Variants in ESYT1 observed in about 807,000 individuals in gnomAD.
ESYT1 encodes extended synaptotagmin-1.
ESYT1 carries 116 observed loss-of-function variants against 154.2 expected under a neutral mutation model. That is an observed-to-expected ratio of 0.75 (90% confidence interval 0.65 to 0.88). The LOEUF (loss-of-function observed/expected upper bound fraction) is 0.88, where lower values mean the gene tolerates loss of function less well. Ranked by LOEUF, ESYT1 falls within the 40% of genes least tolerant of loss-of-function variation. ESYT1 has a pLI of 0.00. For synonymous variants in ESYT1, 500 were observed against 539.9 expected, an observed-to-expected ratio of 0.93 and a Z score of 1.02; for missense variants, 1,264 against 1,379.3, an observed-to-expected ratio of 0.92 and a Z score of 1.32.
chr12:56,132,806 G>T lies in ESYT1; in HGVS notation c.1244+5G>T. 6.2e-7 allele frequency: 1 copy of T among 1,612,898 alleles called. No homozygotes were observed. The highest frequency in any genetic ancestry group is 8.5e-7 in the Non-Finnish European group (1 of 1,179,108). Reference sequence around the variant, plus strand: ...TAAAGATGACTTTCTGGGCAGGTGAGACTCTGCCTGTTAGGATTCTAAAGC... The same window carrying T: ...TAAAGATGACTTTCTGGGCAGGTGATACTCTGCCTGTTAGGATTCTAAAGC... On this transcript the variant is annotated splice_donor_5th_base_variant and intron_variant, in intron 10 of 30. Coordinates refer to ENST00000394048, the MANE Select transcript of ESYT1 (RefSeq NM_015292.3).
chr12:56,138,405 T>C lies in ESYT1; in HGVS notation c.2339T>C (p.Val780Ala). The change falls in exon 22 of 31, where the codon GTG (valine) becomes GCG (alanine). Residue 780 changes from valine to alanine, a missense_variant and splice_region_variant. Transcript: ENST00000394048. The stretch of plus-strand genomic sequence containing the variant: ...CCAGCCCCGTGTGCCCCTCCACAGG[T>C]GCTGCAGGTGAATAGTTTGATCCAG... ...PRPTAAELEE[V>A]LQVNSLIQTQ... is the part of the protein sequence containing the mutation. 1 of 1,613,484 alleles carries C rather than the reference T, an allele frequency of 6.2e-7. No homozygotes were observed. The highest frequency in any genetic ancestry group is 8.5e-7 in the Non-Finnish European group (1 of 1,179,746).
chr12:56,139,934 C>T (rs1462797011), intron 24 of ESYT1, among the ~76,000 whole-genome samples: 2 of 151,488 alleles, frequency 1.3e-5, no homozygotes, highest in African/African-American at 4.9e-5. Flanking sequence ...GGCTGGAGTG[C>T]CGTGGTGCAA....
Position 56,142,583 on chromosome 12 carries a change from G to A in ESYT1, c.2739G>A (p.Leu913=). ...CACAGCTTTCTTGCCCCTAGATCCTGGTGTCCCAGCACTCGGGAGTGGAAG... is the reference window on the plus strand; with the variant it reads ...CACAGCTTTCTTGCCCCTAGATCCTAGTGTCCCAGCACTCGGGAGTGGAAG... ...QVLLRAQLGI[L]VSQHSGVEAH... The change falls in exon 26 of 31, where the codon CTG becomes CTA. Residue 913 remains leucine, a synonymous_variant. Transcript: ENST00000394048. This position sits in a 1 kb window ranked among gnomAD's most constrained non-coding sequence, Gnocchi z 4.1. 6.2e-7 allele frequency: 1 copy of A among 1,614,116 alleles called. No individual in the cohort carries two copies. Among genetic ancestry groups the A allele is most frequent in the Non-Finnish European group, 8.5e-7 (1 of 1,180,028 alleles).
rs761226398 is a variant in ESYT1 at position 56,128,681 on chromosome 12, A to C, written c.362A>C (p.Tyr121Ser). 6.1e-5 allele frequency: 99 copies of C among 1,613,836 alleles called. No homozygotes were observed. Among genetic ancestry groups the C allele is most frequent in the Admixed American group, 8.3e-5 (5 of 60,006 alleles). The change falls in exon 1 of 31, where the codon TAT (tyrosine) becomes TCT (serine). Residue 121 changes from tyrosine (Y) to serine (S), a missense_variant. By Grantham distance (144) the Tyr-to-Ser change is moderately radical. Transcript: ENST00000394048. ...GAGCAGCTCACTGCGAAAACTCTCT[A>C]TATGAGTCATCGAGAGCTACCTGCC... ...DEEQLTAKTLYMSHRELPAWV... is the reference protein window; with the variant it reads ...DEEQLTAKTLSMSHRELPAWV...
intron 6 of ESYT1, 76 bp from the exon 7 acceptor site, chr12:56,131,671 CGA>C: frequency 6.9e-6 from 11 of 1,604,000 alleles, no homozygotes; most frequent in Non-Finnish European, 9.4e-6. Context: ...ACAAGAAGGC[CGA>C]GGGGTTCTGG....
Position 56,138,809 on chromosome 12 carries a change from C to T in ESYT1, c.2475C>T (p.Leu825=). Residue 825 remains leucine, a synonymous_variant, in exon 23 of 31, where the codon CTC becomes CTT. Transcript: ENST00000394048. ...AGCACCTCAGCCCTTATGCTACTCTCACTGTGGGAGATAGTTCTCATAAAA... is the reference window on the plus strand; with the variant it reads ...AGCACCTCAGCCCTTATGCTACTCTTACTGTGGGAGATAGTTCTCATAAAA... ...GTKHLSPYAT[L]TVGDSSHKTK... 1 of 1,614,174 alleles carries T rather than the reference C, an allele frequency of 6.2e-7. No individual in the cohort carries two copies. The highest frequency in any genetic ancestry group is 8.5e-7 in the Non-Finnish European group (1 of 1,180,014).
rs774993697 is a variant in ESYT1 at position 56,132,494 on chromosome 12, A to G, written c.1058A>G (p.Glu353Gly). The G allele has an allele frequency of 2.5e-6, 4 of 1,614,062 alleles. No homozygotes were observed. The African/African-American group carries it at 5.3e-5, about 22-fold the overall frequency. ...SKDKYVKGLI[E>G]GKSDPYALVR... is the part of the protein sequence containing the mutation. ...GACAAATATGTGAAGGGCCTGATTG[A>G]GGGCAAGTCAGACCCATATGCACTT... Residue 353 changes from glutamate (E) to glycine (G), a missense_variant, in exon 9 of 31, where the codon GAG (glutamate) becomes GGG (glycine). Coordinates refer to ENST00000394048, the MANE Select transcript of ESYT1 (RefSeq NM_015292.3).
chr12:56,140,927 T>C (rs1308560297), intron 24 of ESYT1, among the ~76,000 whole-genome samples: 1 of 152,104 alleles, frequency 6.6e-6, no homozygotes, highest in Non-Finnish European at 1.5e-5. Flanking sequence ...TGGATAAGGG[T>C]GCCGTTGCTG....
Position 56,138,243 on chromosome 12 carries a change from C to T in ESYT1, c.2308C>T (p.Pro770Ser). 6.2e-7 allele frequency: 1 copy of T among 1,614,236 alleles called. No individual in the cohort carries two copies. Among genetic ancestry groups the T allele is most frequent in the East Asian group, 2.2e-5 (1 of 44,890 alleles). ...RLHLRLERLT[P>S]RPTAAELEEV... ...GCACTTGCGCCTGGAGCGTCTCACC[C>T]CCCGTCCCACTGCTGCTGAGTTAGA... Residue 770 changes from proline to serine, a missense_variant, in exon 21 of 31, where the codon CCC becomes TCC. Physicochemically the swap from Pro to Ser is moderately conservative, Grantham distance 74. Transcript: ENST00000394048.
chr12:56,129,018 G>C (rs1332655573), intron 1 of ESYT1, among the ~76,000 whole-genome samples: 8 of 152,110 alleles, frequency 5.3e-5, no homozygotes, highest in Non-Finnish European at 1.2e-4. Context: ...CTCCCTCCTA[G>C]CCAAGCCATC....
In ESYT1 at chr12:56,131,491, G is replaced by A. The variant is rs1870232831; in HGVS notation, c.729G>A (p.Leu243=). The change falls in exon 6 of 31, where the codon TTG becomes TTA. Residue 243 remains leucine, a synonymous_variant. Coordinates refer to ENST00000394048, the MANE Select transcript of ESYT1 (RefSeq NM_015292.3). The part of the protein sequence containing the change: ...GVKGMQLHGV[L]RVILEPLIGD... ...TCTTGCCTCAGCTACATGGCGTTTT[G>A]CGGGTGATACTGGAGCCACTCATTG... 1 of 1,614,070 alleles carries A rather than the reference G, an allele frequency of 6.2e-7. No individual in the cohort carries two copies. Among genetic ancestry groups the A allele is most frequent in the African/African-American group, 1.3e-5 (1 of 74,922 alleles).
chr12:56,138,545 C>T (rs1005771819), intron 22 of ESYT1, 46 bp downstream of exon 22: 20 of 1,524,388 alleles, frequency 1.3e-5, no homozygotes, highest in Non-Finnish European at 1.8e-5. Context: ...GCCCTTCTTC[C>T]ACCTTCCTCC....
rs1318690015 is a variant in ESYT1 at position 56,128,282 on chromosome 12, A to T, written c.-38A>T. 6.4e-7 allele frequency: 1 copy of T among 1,573,774 alleles called. No homozygotes were observed. On this transcript the variant is annotated 5_prime_UTR_variant, in exon 1 of 31. Coordinates refer to ENST00000394048, the MANE Select transcript of ESYT1 (RefSeq NM_015292.3). ...TCGCAAGACTAGGCAACCTCCAGCC[A>T]GTCCCTGGGTCGGGCGGATCCTCCC...
At chr12:56,140,406 C>T (rs1464125922) in intron 24 of ESYT1, among the ~76,000 whole-genome samples, 2 of 152,092 alleles carry the variant, frequency 1.3e-5, no homozygotes, top group Non-Finnish European at 2.9e-5. Flanking sequence ...TGCTCTGTTG[C>T]CCAGGCTGGA....
chr12:56,142,723 A>T lies in ESYT1; in HGVS notation c.2879A>T (p.His960Leu). The T allele has an allele frequency of 6.2e-7, 1 of 1,613,878 alleles. No individual in the cohort carries two copies. The highest frequency in any genetic ancestry group is 8.5e-7 in the Non-Finnish European group (1 of 1,180,028). ...CCAGAGCTCCGGCAGCGCCTAACAC[A>T]TGTTGACAGGTAAAGGGCTGGGACA... ...SAPELRQRLT[H>L]VDSPLEAPAG... Residue 960 changes from histidine to leucine, a missense_variant, in exon 26 of 31, where the codon CAT becomes CTT. Coordinates refer to ENST00000394048, the MANE Select transcript of ESYT1 (RefSeq NM_015292.3). The surrounding 1 kb of genome is among the most constrained non-coding windows in gnomAD (Gnocchi z 4.1).
In ESYT1 at chr12:56,128,650, G is replaced by C; in HGVS notation, c.331G>C (p.Asp111His). Residue 111 changes from aspartate to histidine, a missense_variant, in exon 1 of 31, where the codon GAC becomes CAC. Asp to His is a moderately conservative substitution (Grantham distance 81). Coordinates refer to ENST00000394048, the MANE Select transcript of ESYT1 (RefSeq NM_015292.3). ...TCGAGCAGCGAGGCAGCTACTGGAC[G>C]ACGAGGAGCAGCTCACTGCGAAAAC... ...SLRAARQLLD[D>H]EEQLTAKTLY... is the part of the protein sequence containing the mutation. 6.2e-7 allele frequency: 1 copy of C among 1,614,198 alleles called. No individual in the cohort carries two copies. The highest frequency in any genetic ancestry group is 1.7e-4 in the Middle Eastern group (1 of 6,060).
chr12:56,134,266 T>C, intron 14 of ESYT1, 76 bp from the exon 15 acceptor site: 1 of 1,597,020 alleles, frequency 6.3e-7, no homozygotes, highest in Non-Finnish European at 8.6e-7. Flanking sequence ...AGAATGCCTG[T>C]TACATGCAGG....
At position 56,133,781 on chromosome 12, in the gene ESYT1, G is replaced by T. The variant is rs763052138; in HGVS notation, c.1381G>T (p.Val461Phe). The T allele has an allele frequency of 1.2e-6, 2 of 1,613,922 alleles. No homozygotes were observed. Among genetic ancestry groups the T allele is most frequent in the African/African-American group, 2.7e-5 (2 of 74,874 alleles). Residue 461 changes from valine (V) to phenylalanine (F), a missense_variant and splice_region_variant, in exon 13 of 31, where the codon GTT becomes TTT. By Grantham distance (50) the Val-to-Phe change is conservative (BLOSUM62 -1). Coordinates refer to ENST00000394048, the MANE Select transcript of ESYT1 (RefSeq NM_015292.3). ...TCTGACTACTACCACCCCTCCCCAG[G>T]TTCTACAGTGGAATTGGGGAGTCTC... ...LLSDAEKLEQ[V>F]LQWNWGVSSR...
At chr12:56,141,478 C>A (rs187477734) in intron 24 of ESYT1, among the ~76,000 whole-genome samples, 186 of 152,234 alleles carry the variant, frequency 1.2e-3, no homozygotes, top group Middle Eastern at 0.01. Flanking sequence ...CGGTGGCTCA[C>A]GCCTGTAATC....
Sources: allele counts gnomAD v4.1 joint callset (sites outside exome capture counted in the v4.1 genomes callset), GRCh38; gene constraint gnomAD v4.1.1; non-coding constraint Gnocchi (gnomAD v3.1); transcripts MANE v1.5; gene names NCBI Gene and HGNC (gene_info 2026-07-23, HGNC 2026-07-21).